The following LCA5L variants were observed in gnomAD, a reference collection of about 807,000 sequenced individuals.
The protein encoded by LCA5L is lebercilin-like protein.
In LCA5L, 35 loss-of-function variants were observed where a neutral mutation model predicts 45.4. That is an observed-to-expected ratio of 0.77 (90% CI 0.59 to 1.02). The LOEUF (loss-of-function observed/expected upper bound fraction) is 1.02. Ranked by LOEUF, LCA5L falls within the 50% of genes least tolerant of loss-of-function variation. The probability of loss-of-function intolerance (pLI) is 0.00; values close to 1 mark genes in which losing one functional copy is unlikely to be tolerated. For missense variants in LCA5L, 668 were observed against 761.6 expected, an observed-to-expected ratio of 0.88 and a Z score of 1.45; for synonymous variants, 233 against 264.7, an observed-to-expected ratio of 0.88 and a Z score of 1.16.
chr21:39,424,063 A>G (rs978981578), intron 5 of LCA5L, among the ~76,000 whole-genome samples: 9 of 151,600 alleles, frequency 5.9e-5, no homozygotes, highest in African/African-American at 2.2e-4. Context: ...CCCAGGCTGG[A>G]GTGTAGTGGT....
chr21:39,431,709 G>C (rs2075746265), intron 3 of LCA5L, among the ~76,000 whole-genome samples: 1 of 151,990 alleles, frequency 6.6e-6, no homozygotes, highest in African/African-American at 2.4e-5. Flanking sequence ...GTAGAGATGG[G>C]GTTTCACCAT....
In LCA5L at chr21:39,406,254, G is replaced by A. The variant is rs1228372485; in HGVS notation, c.1641C>T (p.Gly547=). 1.2e-6 allele frequency: 2 copies of A among 1,614,058 alleles called. No homozygotes were observed. The highest frequency in any genetic ancestry group is 2.2e-5 in the East Asian group (1 of 44,898). ...CTGTACTATGACTGTACCTCATGTT[G>A]CCGGCATTGGCTGGCCCCCCTGAAG... ...LPASGGPANA[G]NMRYSHSTGK... The change falls in exon 11 of 11, where the codon GGC becomes GGT. Residue 547 remains glycine (G), a synonymous_variant. Transcript: ENST00000288350.
rs761056311 is a variant in LCA5L, at chr21:39,406,382, T to G, written c.1513A>C (p.Thr505Pro). ...TAGGGAGCAGTGCCTTTGCCAAGTG[T>G]GTCATCCACACCATTTCTCTGCATG... ...RSMQRNGVDDTLGKGTAPYTK... is the reference protein window; with the variant it reads ...RSMQRNGVDDPLGKGTAPYTK... Residue 505 changes from threonine (T) to proline (P), a missense_variant, in exon 11 of 11, where the codon ACA (threonine) becomes CCA (proline). Thr to Pro is a conservative substitution (Grantham distance 38, BLOSUM62 -1). Coordinates refer to ENST00000288350, the MANE Select transcript of LCA5L (RefSeq NM_152505.4). 3 of 1,614,184 alleles carry G rather than the reference T, an allele frequency of 1.9e-6. No homozygotes were observed. Among genetic ancestry groups the G allele is most frequent in the Non-Finnish European group, 1.7e-6 (2 of 1,180,024 alleles).
Position 39,429,142 on chromosome 21 carries a change from A to C in LCA5L, c.-22T>G, listed in dbSNP as rs2075371094. 1 of 152,220 alleles carries C rather than the reference A, an allele frequency of 6.6e-6. No individual in the cohort carries two copies. The highest frequency in any genetic ancestry group is 6.5e-5 in the Admixed American group (1 of 15,290). 9.4% of individuals were successfully genotyped at this position (152,220 alleles called of 1,614,324 possible). ...TTATAGCAGCTTACCTCAAAAGCAG[A>C]TTGAAACAAACAGATCCATCTTCTG... On this transcript the variant is annotated 5_prime_UTR_variant, in exon 4 of 11. Transcript: ENST00000288350.
intron 2 of LCA5L, chr21:39,439,646 G>A (rs886750022): frequency 2.6e-5 from 4 of 152,220 alleles, no homozygotes; most frequent in Non-Finnish European, 5.9e-5. Context: ...GAGATAGCTG[G>A]TGGGATTGTT....
At chr21:39,421,192 T>C (rs1178073501) in intron 6 of LCA5L, among the ~76,000 whole-genome samples, 1 of 148,624 alleles carries the variant, frequency 6.7e-6, no homozygotes, top group East Asian at 2.1e-4. Flanking sequence ...AGCCTCCACC[T>C]CCTGGGTTCA....
At chr21:39,444,893 T>G (rs2077279154) in intron 1 of LCA5L, 1 of 152,148 alleles carries the variant, frequency 6.6e-6, no homozygotes. Context: ...TTGGACGAGC[T>G]GTGTTTGAGA....
chr21:39,422,759 G>A lies in LCA5L; in HGVS notation c.837+217C>T, dbSNP rs1054923645. On this transcript the variant is annotated intron_variant, in intron 6 of 10. Transcript: ENST00000288350. ...GCCACAGAGTGAACTCTTGTGCACT[G>A]CAACAGATGAACATTTCTAGTTTGA... is the stretch of plus-strand genomic sequence containing the variant. 1.6e-5 allele frequency: 9 copies of A among 579,486 alleles called. No individual in the cohort carries two copies. The Admixed American group carries it at 2.8e-4, about 18-fold the overall frequency. The allele number at this position is 579,486 out of a possible 1,614,324, so 35.9% of individuals were successfully genotyped here.
chr21:39,424,853 C>T (rs1403824694), intron 5 of LCA5L, among the ~76,000 whole-genome samples: 2 of 152,160 alleles, frequency 1.3e-5, no homozygotes, highest in Non-Finnish European at 2.9e-5. Flanking sequence ...ACCAAACTTA[C>T]CTAATTGAAT....
rs1379305150 is a variant in LCA5L at position 39,406,437 on chromosome 21, A to G, written c.1458T>C (p.Asp486=). 2 of 1,613,944 alleles carry G rather than the reference A, an allele frequency of 1.2e-6. No individual in the cohort carries two copies. The highest frequency in any genetic ancestry group is 1.3e-5 in the African/African-American group (1 of 74,926). The change falls in exon 11 of 11, where the codon GAT becomes GAC. Residue 486 remains aspartate, a synonymous_variant. Coordinates refer to ENST00000288350, the MANE Select transcript of LCA5L (RefSeq NM_152505.4). The part of the protein sequence containing the change: ...IHPERESNQE[D]VLVREKFKRS... ...TTTTAAACTTTTCTCTTACTAGAAC[A>G]TCTTCTTGATTGCTTTCTCTTTCAG...
At chr21:39,422,834 G>T in intron 6 of LCA5L, 142 bp downstream of exon 6, 2 of 776,956 alleles carry the variant, frequency 2.6e-6, no homozygotes, top group East Asian at 2.5e-5. Context: ...CCCTCTATTA[G>T]ACAACATAAT....
At chr21:39,407,762 T>C (rs2039340054) in intron 10 of LCA5L, 1 of 152,212 alleles carries the variant, frequency 6.6e-6, no homozygotes, top group Non-Finnish European at 1.5e-5. Context: ...GCTCAGAAAG[T>C]ATTTGTCAAA....
At chr21:39,439,062 T>C (rs2205201) in intron 2 of LCA5L, 37,568 of 152,036 alleles carry the variant, frequency 0.25, 5,509 homozygotes, top group African/African-American at 0.41. Context: ...GAAGATTATC[T>C]TGAGTTATCC....
intron 2 of LCA5L, among the ~76,000 whole-genome samples, chr21:39,437,606 C>A (rs898397522): frequency 1.3e-5 from 2 of 152,040 alleles, no homozygotes; most frequent in African/African-American, 4.8e-5. Context: ...ACTACAGGCA[C>A]GTGCCACCAT....
At chr21:39,414,734 CTCTCTCTCTGTGTGTGTG>C (rs1032568403) in intron 7 of LCA5L, among the ~76,000 whole-genome samples, 1 of 103,164 alleles carries the variant, frequency 9.7e-6, no homozygotes, top group African/African-American at 4.1e-5. Context: ...CTCTCTCTCT[CTCTCTCTCTGTGTGTGTG>C]TGTGTGTGTG....
intron 3 of LCA5L, among the ~76,000 whole-genome samples, chr21:39,430,881 C>T (rs545738367): frequency 6.6e-6 from 1 of 152,318 alleles, no homozygotes; most frequent in African/African-American, 2.4e-5. Context: ...AATTGTCCCT[C>T]TCCTGACTTT....
chr21:39,440,075 A>ATG (rs1569130427), intron 2 of LCA5L, among the ~76,000 whole-genome samples: 2 of 152,018 alleles, frequency 1.3e-5, no homozygotes, highest in African/African-American at 4.8e-5. Flanking sequence ...ATGTGTATAT[A>ATG]CATATGTATG....
At chr21:39,410,956 C>T (rs1324523583) in intron 8 of LCA5L, 1 of 470,396 alleles carries the variant, frequency 2.1e-6, no homozygotes, top group East Asian at 6.9e-5. Flanking sequence ...TCCTATGGTA[C>T]TTCTGAGTCG....
chr21:39,408,502 C>T (rs2039492893), intron 10 of LCA5L: 1 of 152,356 alleles, frequency 6.6e-6, no homozygotes, highest in African/African-American at 2.4e-5. Context: ...GACTAGGACC[C>T]CTGCTCCATT....
Sources: gnomAD v4.1 joint callset for allele counts (sites outside exome capture counted in the v4.1 genomes callset) on GRCh38, gnomAD v4.1.1 for gene constraint, MANE v1.5 for transcripts, NCBI Gene and HGNC (gene_info 2026-07-23, HGNC 2026-07-21) for gene names.